Variants in FBLN5 observed in about 807,000 individuals in gnomAD.
FBLN5 encodes the protein fibulin-5.
A neutral mutation model predicts 61.6 loss-of-function variants in FBLN5; 24 were observed. That is an observed-to-expected ratio of 0.39 (90% CI 0.28 to 0.55). The LOEUF (loss-of-function observed/expected upper bound fraction) is 0.55. Ranked by LOEUF, FBLN5 falls within the 20% of genes least tolerant of loss-of-function variation. FBLN5 has a pLI of 0.65. For missense variants in FBLN5, 470 were observed against 594.1 expected (o/e 0.79, Z 2.17); for synonymous variants, 213 against 219.8 (o/e 0.97, Z 0.27).
intron 4 of FBLN5, among the ~76,000 whole-genome samples, chr14:91,905,183 G>A (rs1203567108): frequency 2.0e-5 from 3 of 152,142 alleles, no homozygotes; most frequent in African/African-American, 7.2e-5. Flanking sequence ...TGCCTGCAGT[G>A]AGAAGACCCT....
chr14:91,881,463 C>T (rs1344963212), intron 8 of FBLN5, 45 bp from the exon 9 acceptor site: 5 of 1,612,158 alleles, frequency 3.1e-6, no homozygotes, highest in Non-Finnish European at 4.2e-6. Context: ...GCATTATTGG[C>T]CAGGCCAGAC....
chr14:91,903,746 T>C (rs1890557817), intron 4 of FBLN5, among the ~76,000 whole-genome samples: 1 of 152,152 alleles, frequency 6.6e-6, no homozygotes, highest in Non-Finnish European at 1.5e-5. Context: ...AATCTTCCCT[T>C]CACGTCCCAC....
rs763553832 is a variant in FBLN5, at chr14:91,947,239, G to C, written c.-10C>G. 4 of 1,614,166 alleles carry C rather than the reference G, an allele frequency of 2.5e-6. No homozygotes were observed. The South Asian group carries it at 4.4e-5, about 18-fold the overall frequency. On this transcript the variant is annotated 5_prime_UTR_variant, in exon 1 of 11. Coordinates refer to ENST00000342058, the MANE Select transcript of FBLN5 (RefSeq NM_006329.4). The surrounding 1 kb of genome is among the most constrained non-coding windows in gnomAD (Gnocchi z 4.3). ...TTTTTATTCCTGGCATGTCCAAGAC[G>C]CGCGAGGAGGAGATGCGAAGGCGAG... is the stretch of plus-strand genomic sequence containing the variant.
chr14:91,926,562 G>C (rs915991751), intron 4 of FBLN5, among the ~76,000 whole-genome samples: 3 of 152,164 alleles, frequency 2.0e-5, no homozygotes, highest in African/African-American at 7.2e-5. Flanking sequence ...GGAGACAGAG[G>C]GGGTGAAGTG....
At position 91,913,674 on chromosome 14, in the gene FBLN5, A is replaced by T. The variant is rs117860217; in HGVS notation, c.380-18602T>A. ...CGCCTGGTCAATAGATGTTCACTCA[A>T]CTATCATTCAATTATATCAGCAAAT... On this transcript the variant is annotated intron_variant, in intron 4 of 10. Coordinates refer to ENST00000342058, the MANE Select transcript of FBLN5 (RefSeq NM_006329.4). Among the ~76,000 whole-genome samples, 1,078 of 152,370 alleles carry T rather than the reference A, an allele frequency of 7.1e-3. 2 individuals are homozygous for T. The highest frequency in any genetic ancestry group is 8.8e-3 in the Non-Finnish European group (602 of 68,038).
intron 3 of FBLN5, 69 bp from the exon 4 acceptor site, chr14:91,937,270 A>G (rs2056034321): frequency 1.2e-6 from 2 of 1,602,250 alleles, no homozygotes; most frequent in Non-Finnish European, 1.7e-6. Flanking sequence ...ATATTTAAGC[A>G]GAACTCGGTA....
At chr14:91,887,072 G>T in intron 7 of FBLN5, 121 bp downstream of exon 7, 1 of 1,094,502 alleles carries the variant, frequency 9.1e-7, no homozygotes. Context: ...CCTGGAGGAT[G>T]TCCCAAACTG....
At chr14:91,934,859 G>C (rs1382230096) in intron 4 of FBLN5, among the ~76,000 whole-genome samples, 2 of 152,092 alleles carry the variant, frequency 1.3e-5, no homozygotes, top group African/African-American at 4.8e-5. Context: ...CTTGGAAGGA[G>C]CGGTAGGTAG....
intron 6 of FBLN5, among the ~76,000 whole-genome samples, chr14:91,890,514 T>C (rs1361581601): frequency 6.6e-6 from 1 of 152,228 alleles, no homozygotes; most frequent in Non-Finnish European, 1.5e-5. Flanking sequence ...TTTGCGCTAA[T>C]TCCTTGGGTC....
chr14:91,912,950 T>C (rs912574526), intron 4 of FBLN5, among the ~76,000 whole-genome samples: 1 of 152,174 alleles, frequency 6.6e-6, no homozygotes, highest in Non-Finnish European at 1.5e-5. Flanking sequence ...CATCCATCCA[T>C]TCATCCATTC....
intron 4 of FBLN5, among the ~76,000 whole-genome samples, chr14:91,906,572 A>C (rs546263683): frequency 5.3e-5 from 8 of 152,364 alleles, no homozygotes; most frequent in African/African-American, 1.9e-4. Flanking sequence ...ATACAATGAC[A>C]TGAACCTAAA....
chr14:91,928,476 A>T (rs1034744099), intron 4 of FBLN5, among the ~76,000 whole-genome samples: 9 of 152,234 alleles, frequency 5.9e-5, no homozygotes, highest in African/African-American at 2.2e-4. Flanking sequence ...AAAATATTTA[A>T]AAAACGAATG....
At chr14:91,911,272 A>G (rs1416629477) in intron 4 of FBLN5, among the ~76,000 whole-genome samples, 1 of 152,198 alleles carries the variant, frequency 6.6e-6, no homozygotes, top group Non-Finnish European at 1.5e-5. Flanking sequence ...GGCGTGAGCC[A>G]CCACGCCTGG....
At position 91,947,284 on chromosome 14, in the gene FBLN5, A is replaced by G; in HGVS notation, c.-55T>C. 3.1e-6 allele frequency: 5 copies of G among 1,612,614 alleles called. No homozygotes were observed. In the South Asian group the frequency reaches 5.5e-5, roughly 18 times the overall value. ...GGCGAGAAGAAAGCTCGCGGGCGGGACCCCCGGAGGAGCTCGGGCACGTCG... is the reference window on the plus strand; with the variant it reads ...GGCGAGAAGAAAGCTCGCGGGCGGGGCCCCCGGAGGAGCTCGGGCACGTCG... On this transcript the variant is annotated 5_prime_UTR_variant, in exon 1 of 11. Coordinates refer to ENST00000342058, the MANE Select transcript of FBLN5 (RefSeq NM_006329.4). This position sits in a 1 kb window ranked among gnomAD's most constrained non-coding sequence, Gnocchi z 4.3.
At chr14:91,886,885 G>A (rs976729364) in intron 7 of FBLN5, among the ~76,000 whole-genome samples, 1 of 152,166 alleles carries the variant, frequency 6.6e-6, no homozygotes, top group African/African-American at 2.4e-5. Flanking sequence ...AGGACAGACA[G>A]CTCTCAAACC....
chr14:91,894,594 T>C (rs1214479807), intron 5 of FBLN5, among the ~76,000 whole-genome samples: 2 of 151,750 alleles, frequency 1.3e-5, no homozygotes, highest in African/African-American at 2.4e-5. Flanking sequence ...TGGTGGCACA[T>C]GCCTATGATC....
chr14:91,941,553 C>T (rs780371942), intron 2 of FBLN5, among the ~76,000 whole-genome samples: 10 of 152,042 alleles, frequency 6.6e-5, no homozygotes, highest in Non-Finnish European at 8.8e-5. Flanking sequence ...CCTGCACTCC[C>T]GGGAGAGGGT....
In FBLN5 at chr14:91,934,006, G is replaced by A. The variant is rs527299572; in HGVS notation, c.379+2941C>T. Among the ~76,000 whole-genome samples, 20 of 152,244 alleles carry A rather than the reference G, an allele frequency of 1.3e-4. 1 individual carries two copies. The highest frequency in any genetic ancestry group is 1.2e-3 in the Admixed American group (19 of 15,302). On this transcript the variant is annotated intron_variant, in intron 4 of 10. Coordinates refer to ENST00000342058, the MANE Select transcript of FBLN5 (RefSeq NM_006329.4). ...ACATGCCTGTAGTCCCAGCTACTTG[G>A]GAGGCTGAAATGAGAGGATCACTTG...
intron 4 of FBLN5, among the ~76,000 whole-genome samples, chr14:91,922,382 C>T (rs927859982): frequency 2.6e-5 from 4 of 151,800 alleles, no homozygotes; most frequent in African/African-American, 9.7e-5. Context: ...CATTCCTAGG[C>T]CTGCCTTCCT....
Sources: gnomAD v4.1 joint callset for allele counts (sites outside exome capture counted in the v4.1 genomes callset) on GRCh38, gnomAD v4.1.1 for gene constraint, Gnocchi (gnomAD v3.1) non-coding constraint, MANE v1.5 for transcripts, NCBI Gene and HGNC (gene_info 2026-07-23, HGNC 2026-07-21) for gene names.